Variants in ANKRD11 observed in about 807,000 individuals in gnomAD.
The protein encoded by ANKRD11 is ankyrin repeat domain-containing protein 11.
In ANKRD11, 17 loss-of-function variants were observed where a neutral mutation model predicts 195.7. That is an observed-to-expected ratio of 0.09 (90% confidence interval 0.06 to 0.13). The LOEUF (loss-of-function observed/expected upper bound fraction) is 0.13. Among genes scored for constraint, ANKRD11 ranks in the 10% least tolerant of loss-of-function variants. The pLI is 1.00. For synonymous variants in ANKRD11, 1,953 were observed against 1,528.1 expected (o/e 1.28, Z -6.49); for missense variants, 3,735 against 3,566.1 (o/e 1.05, Z -1.21).
chr16:89,480,801 C>G (rs571590657), intron 1 of ANKRD11, among the ~76,000 whole-genome samples: 4 of 152,310 alleles, frequency 2.6e-5, no homozygotes, highest in Non-Finnish European at 5.9e-5. Context: ...GGCAACACAT[C>G]TGCCGAGCTG....
intron 3 of ANKRD11, among the ~76,000 whole-genome samples, chr16:89,311,174 T>A (rs1349001103): frequency 1.3e-5 from 2 of 152,264 alleles, no homozygotes; most frequent in South Asian, 4.1e-4. Context: ...TTCAGTCTTA[T>A]AACAACTTGA....
chr16:89,486,917 G>A (rs1772034472), intron 1 of ANKRD11, among the ~76,000 whole-genome samples: 2 of 151,286 alleles, frequency 1.3e-5, no homozygotes, highest in South Asian at 4.2e-4. Context: ...GCTGAGGCAG[G>A]AGAATTGCTT....
intron 1 of ANKRD11, among the ~76,000 whole-genome samples, chr16:89,474,753 T>C (rs1326038456): frequency 1.3e-5 from 2 of 152,162 alleles, no homozygotes. Context: ...ATCACTATAT[T>C]CCAAGTTTTT....
chr16:89,320,814 A>C (rs1317710403), intron 2 of ANKRD11, among the ~76,000 whole-genome samples: 3 of 152,268 alleles, frequency 2.0e-5, no homozygotes, highest in African/African-American at 7.2e-5. Context: ...TGCTGGGAAC[A>C]GCCGTCCTTG....
At chr16:89,323,669 G>A (rs902701487) in intron 2 of ANKRD11, 2 of 313,768 alleles carry the variant, frequency 6.4e-6, no homozygotes, top group Admixed American at 4.6e-5. Flanking sequence ...CACACCGCCT[G>A]ACAGTCCACG....
At chr16:89,331,957 C>G (rs2038090240) in intron 2 of ANKRD11, among the ~76,000 whole-genome samples, 1 of 152,126 alleles carries the variant, frequency 6.6e-6, no homozygotes, top group South Asian at 2.1e-4. Flanking sequence ...TCACCACACT[C>G]TCTCTTAAGA....
chr16:89,381,041 G>A (rs568336822), intron 2 of ANKRD11, among the ~76,000 whole-genome samples: 2 of 152,296 alleles, frequency 1.3e-5, no homozygotes, highest in South Asian at 2.1e-4. Flanking sequence ...TGAGAAGGGC[G>A]GCTGGGCGAG....
chr16:89,431,852 G>A (rs1454429821), intron 1 of ANKRD11, among the ~76,000 whole-genome samples: 1 of 152,086 alleles, frequency 6.6e-6, no homozygotes, highest in East Asian at 1.9e-4. Flanking sequence ...CACATACAGA[G>A]CCCTCACCCC....
At chr16:89,369,902 G>T (rs2040119444) in intron 2 of ANKRD11, among the ~76,000 whole-genome samples, 1 of 152,156 alleles carries the variant, frequency 6.6e-6, no homozygotes. Flanking sequence ...TGTCATCTAT[G>T]GTTATCTCAG....
chr16:89,309,451 G>T (rs1003906310), intron 3 of ANKRD11, among the ~76,000 whole-genome samples: 4 of 152,196 alleles, frequency 2.6e-5, no homozygotes, highest in African/African-American at 9.7e-5. Context: ...ATTATCCCTG[G>T]TTTTACAGAT....
chr16:89,327,238 G>A, intron 2 of ANKRD11, among the ~76,000 whole-genome samples: 1 of 152,122 alleles, frequency 6.6e-6, no homozygotes, highest in East Asian at 1.9e-4. Context: ...ATCACAACTG[G>A]TACAGAAAAT....
At chr16:89,457,045 C>T (rs1459072073) in intron 1 of ANKRD11, among the ~76,000 whole-genome samples, 5 of 149,290 alleles carry the variant, frequency 3.3e-5, no homozygotes, top group Admixed American at 2.0e-4. Context: ...CTGCAAGCTC[C>T]GCCTCCCGGG....
chr16:89,272,350 CT>C (rs1470088008), intron 11 of ANKRD11: 3 of 152,312 alleles, frequency 2.0e-5, no homozygotes, highest in African/African-American at 7.2e-5. Flanking sequence ...CCTCAAAAAA[CT>C]AAAAATTGAG....
rs572831366 is a variant in ANKRD11, at chr16:89,289,027, C to G, written c.602-357G>C. Reference sequence around the variant, plus strand: ...GAGGCGTATGTGCCTTTGCAAAACACGGAGGGGAAACCTCCCGTGTCGGAA... The same window carrying G: ...GAGGCGTATGTGCCTTTGCAAAACAGGGAGGGGAAACCTCCCGTGTCGGAA... On this transcript the variant is annotated intron_variant, in intron 6 of 12. Coordinates refer to ENST00000301030, the MANE Select transcript of ANKRD11 (RefSeq NM_013275.6). The G allele has an allele frequency of 8.6e-5, 30 of 350,074 alleles. No individual in the cohort carries two copies. In the East Asian group the frequency reaches 1.9e-3, roughly 22 times the overall value. The allele number at this position is 350,074 out of a possible 1,614,324, so 21.7% of individuals were successfully genotyped here. A position where few individuals can be genotyped will look rare whatever the true frequency, so the allele number is the denominator to read the frequency against.
At chr16:89,471,965 C>T (rs1056779072) in intron 1 of ANKRD11, among the ~76,000 whole-genome samples, 2 of 152,068 alleles carry the variant, frequency 1.3e-5, no homozygotes, top group Admixed American at 6.5e-5. Flanking sequence ...CCCTGCCAAA[C>T]ATCACATGCT....
intron 2 of ANKRD11, among the ~76,000 whole-genome samples, chr16:89,365,759 T>G (rs562990332): frequency 6.6e-6 from 1 of 152,132 alleles, no homozygotes; most frequent in Non-Finnish European, 1.5e-5. Context: ...GTTTGTTACG[T>G]AGGTAAACTT....
intron 2 of ANKRD11, among the ~76,000 whole-genome samples, chr16:89,399,211 GGGGCCA>G (rs1417399467): frequency 1.3e-5 from 2 of 152,138 alleles, no homozygotes; most frequent in African/African-American, 2.4e-5. Flanking sequence ...ACCGAGTTCA[GGGGCCA>G]GTGGCTGGCT....
At chr16:89,336,282 G>A (rs369196384) in intron 2 of ANKRD11, among the ~76,000 whole-genome samples, 6 of 152,186 alleles carry the variant, frequency 3.9e-5, no homozygotes, top group Non-Finnish European at 5.9e-5. Flanking sequence ...AGCAGGTGCC[G>A]GGGAGCAGCC....
At position 89,384,879 on chromosome 16, in the gene ANKRD11, C is replaced by CTTTTTTTTTTTTTT; in HGVS notation, c.-60+33391_-60+33404dup. Among the ~76,000 whole-genome samples the CTTTTTTTTTTTTTT allele has an allele frequency of 4.4e-3, 219 of 49,920 alleles. 42 individuals carry two copies. Among genetic ancestry groups the CTTTTTTTTTTTTTT allele is most frequent in the Middle Eastern group, 0.019 (1 of 54 alleles). 32.7% of individuals were successfully genotyped at this position (49,920 alleles called of 152,430 possible). On this transcript the variant is annotated intron_variant, in intron 2 of 12. Coordinates refer to ENST00000301030, the MANE Select transcript of ANKRD11 (RefSeq NM_013275.6). Reference sequence around the variant, plus strand: ...GGAGCACACAATGAGAAATAGTTTTCTTTTTTTTTTTTTTTTTTTTTTTTT... The same window carrying CTTTTTTTTTTTTTT: ...GGAGCACACAATGAGAAATAGTTTTCTTTTTTTTTTTTTTTTTTTTTTTTTTTTTTTTTTTTTTT...
Sources: allele counts gnomAD v4.1 joint callset (sites outside exome capture counted in the v4.1 genomes callset), GRCh38; gene constraint gnomAD v4.1.1; transcripts MANE v1.5; gene names NCBI Gene and HGNC (gene_info 2026-07-23, HGNC 2026-07-21).